The following ZNF343 variants were observed in gnomAD, a reference collection of about 807,000 sequenced individuals.
The protein encoded by ZNF343 is zinc finger protein 343.
ZNF343 carries 11 observed loss-of-function variants against 13.8 expected under a neutral mutation model. The observed-to-expected ratio is 0.80, with a 90% confidence interval of 0.50 to 1.32. ZNF343 has a LOEUF of 1.32. Ranked by LOEUF, ZNF343 falls within the 40% of genes most tolerant of loss-of-function variation. The pLI, the probability that ZNF343 is intolerant of heterozygous loss-of-function variation, is 0.00. For missense variants in ZNF343, 658 were observed against 714.2 expected (o/e 0.92, Z 0.90); for synonymous variants, 248 against 260.0 (o/e 0.95, Z 0.44).
chr20:2,487,489 A>G (rs949626342), intron 5 of ZNF343, among the ~76,000 whole-genome samples: 1 of 152,236 alleles, frequency 6.6e-6, no homozygotes, highest in Non-Finnish European at 1.5e-5. Context: ...TTCACTTAAT[A>G]TATCCAAGAA....
Position 2,501,173 on chromosome 20 carries a change from G to A in ZNF343, c.-236-431C>T, listed in dbSNP as rs1330962026. On this transcript the variant is annotated intron_variant, in intron 1 of 5. Coordinates refer to ENST00000278772, the MANE Select transcript of ZNF343 (RefSeq NM_024325.6). Reference sequence around the variant, plus strand: ...ACCAAGAGATTATATCCCGCGCCTGGCTCAGTGGGTCCTACGCCCATGGAC... The same window carrying A: ...ACCAAGAGATTATATCCCGCGCCTGACTCAGTGGGTCCTACGCCCATGGAC... Among the ~76,000 whole-genome samples the A allele has an allele frequency of 2.6e-5, 4 of 152,170 alleles. No individual in the cohort carries two copies. In the East Asian group the frequency reaches 7.7e-4, roughly 29 times the overall value.
At chr20:2,508,924 AACT>A (rs1159959811), upstream of ZNF343, 80 of 152,412 alleles carry the variant, frequency 5.2e-4, no homozygotes, top group African/African-American at 1.9e-3. This position sits in a 1 kb window ranked among gnomAD's most constrained non-coding sequence, Gnocchi z 4.5. Context: ...CCGACGCCAG[AACT>A]ACAATTCCCA....
rs980509022 is a variant in ZNF343 at position 2,493,985 on chromosome 20, G to A, written c.-90C>T. The A allele has an allele frequency of 4.5e-6, 4 of 898,188 alleles. No individual in the cohort carries two copies. The highest frequency in any genetic ancestry group is 4.4e-4 in the Middle Eastern group (2 of 4,532). The allele number at this position is 898,188 out of a possible 1,614,324, so 55.6% of individuals were successfully genotyped here. A position where few individuals can be genotyped will look rare whatever the true frequency, so the allele number is the denominator to read the frequency against. On this transcript the variant is annotated 5_prime_UTR_variant, in exon 3 of 6. Transcript: ENST00000278772. ...ATCTCAAGATGGAGTTCTGCTGCCT[G>A]TGGTGACTTCTTCCAACCTTAATTA...
chr20:2,523,631 G>A (rs540316046), intron 1 of ZNF343, among the ~76,000 whole-genome samples: 1 of 149,348 alleles, frequency 6.7e-6, no homozygotes, highest in African/African-American at 2.5e-5. Flanking sequence ...ACTTGAAGTT[G>A]CAAGGTCACC....
rs1323773778 is a variant in ZNF343 at position 2,508,077 on chromosome 20, A to T, written c.-237+804T>A. Among the ~76,000 whole-genome samples, 1 of 151,998 alleles carries T rather than the reference A, an allele frequency of 6.6e-6. No individual in the cohort carries two copies. The highest frequency in any genetic ancestry group is 2.4e-5 in the African/African-American group (1 of 41,368). ...GCACAGGGGGCACCTCCCACATGAC[A>T]CACCTTGAGACAACAGGTCCCAGAG... On this transcript the variant is annotated intron_variant, in intron 1 of 5. Coordinates refer to ENST00000278772, the MANE Select transcript of ZNF343 (RefSeq NM_024325.6). The surrounding 1 kb of genome is among the most constrained non-coding windows in gnomAD (Gnocchi z 4.5).
chr20:2,488,591 G>C (rs1188086228), intron 5 of ZNF343, among the ~76,000 whole-genome samples: 3 of 152,014 alleles, frequency 2.0e-5, no homozygotes, highest in Non-Finnish European at 4.4e-5. Flanking sequence ...GATAAGGATA[G>C]TACCCTGTTA....
rs746566417 is a variant in ZNF343, at chr20:2,493,549, G to A, written c.147C>T (p.Pro49=). 66 of 1,613,442 alleles carry A rather than the reference G, an allele frequency of 4.1e-5. No homozygotes were observed. The highest frequency in any genetic ancestry group is 5.0e-5 in the Non-Finnish European group (59 of 1,179,900). ...KGLPSNDTDC[P]QKKEGKAQIV... ...TTTGGGCCTTTCCCTCCTTTTTCTG[G>A]GGGCAGTCAGTATCATTAGAAGGCA... The change falls in exon 4 of 6, where the codon CCC becomes CCT. Residue 49 remains proline (P), a synonymous_variant. Coordinates refer to ENST00000278772, the MANE Select transcript of ZNF343 (RefSeq NM_024325.6).
At position 2,492,702 on chromosome 20, in the gene ZNF343, A is replaced by G. The variant is rs144758107; in HGVS notation, c.301T>C (p.Leu101=). The change falls in exon 5 of 6, where the codon TTG becomes CTG. Residue 101 remains leucine (L), a synonymous_variant. Transcript: ENST00000278772. ...AAAGGAAAGAACACAGCCTTACCCA[A>G]TGAGAGAAGATTCCTGTAATTCTCC... ...MLENYRNLLS[L]AEPKPEIYTC... 6.2e-7 allele frequency: 1 copy of G among 1,611,006 alleles called. No individual in the cohort carries two copies.
chr20:2,493,736 T>C (rs1165932939), intron 3 of ZNF343, 42 bp downstream of exon 3: 1 of 1,539,650 alleles, frequency 6.5e-7, no homozygotes, highest in African/African-American at 1.4e-5. Context: ...CCTGGAGCCT[T>C]GGCTTCCTCT....
intron 5 of ZNF343, 113 bp downstream of exon 5, chr20:2,492,586 G>T: frequency 1.5e-6 from 2 of 1,336,926 alleles, no homozygotes; most frequent in Non-Finnish European, 2.1e-6. Context: ...CAGGGATTAC[G>T]ATTTTGTTTA....
Position 2,484,274 on chromosome 20 carries a change from G to T in ZNF343, c.687C>A (p.Gly229=). ...ATCTCAAGGTTTCTAATTCCTTCAAGCCTTTGTCTAGCTGCACAGGGTTTG... is the reference window on the plus strand; with the variant it reads ...ATCTCAAGGTTTCTAATTCCTTCAATCCTTTGTCTAGCTGCACAGGGTTTG... ...QRPNPVQLDK[G]LKELETLRFG... Residue 229 remains glycine (G), a synonymous_variant, in exon 6 of 6, where the codon GGC becomes GGA. Coordinates refer to ENST00000278772, the MANE Select transcript of ZNF343 (RefSeq NM_024325.6). 1 of 1,614,204 alleles carries T rather than the reference G, an allele frequency of 6.2e-7. No homozygotes were observed. The highest frequency in any genetic ancestry group is 8.5e-7 in the Non-Finnish European group (1 of 1,180,038).
chr20:2,492,809 C>T lies in ZNF343; in HGVS notation c.194G>A (p.Arg65Lys). Residue 65 changes from arginine (R) to lysine (K), a missense_variant, in exon 5 of 6, where the codon AGG (arginine) becomes AAG (lysine). Physicochemically the swap from Arg to Lys is conservative, Grantham distance 26. Transcript: ENST00000278772. ...KAQIVVPVTFRDVTVIFTEAE... is the reference protein window; with the variant it reads ...KAQIVVPVTFKDVTVIFTEAE... ...TTCTGTGAAGATCACAGTCACATCC[C>T]TGAATGTAACTGGTACCTACAAACA... 1.9e-6 allele frequency: 3 copies of T among 1,613,430 alleles called. No individual in the cohort carries two copies. Among genetic ancestry groups the T allele is most frequent in the Non-Finnish European group, 2.5e-6 (3 of 1,179,966 alleles).
At chr20:2,495,813 T>C (rs8183074) in intron 2 of ZNF343, among the ~76,000 whole-genome samples, 1 of 152,034 alleles carries the variant, frequency 6.6e-6, no homozygotes, top group Non-Finnish European at 1.5e-5. Context: ...CCCAAGTACC[T>C]GGGATTACAG....
In ZNF343 at chr20:2,482,752, C is replaced by T. The variant is rs2085186660; in HGVS notation, c.*409G>A. The T allele has an allele frequency of 5.3e-6, 1 of 188,174 alleles. No homozygotes were observed. Among genetic ancestry groups the T allele is most frequent in the Non-Finnish European group, 1.1e-5 (1 of 89,286 alleles). The allele number at this position is 188,174 out of a possible 1,614,324, so 11.7% of individuals were successfully genotyped here. ...GCCCATACATCCTACAAACAAAGACCTCCTTCCTGAGGGCCACTCTGTGCC... is the reference window on the plus strand; with the variant it reads ...GCCCATACATCCTACAAACAAAGACTTCCTTCCTGAGGGCCACTCTGTGCC... On this transcript the variant is annotated 3_prime_UTR_variant, in exon 6 of 6. Coordinates refer to ENST00000278772, the MANE Select transcript of ZNF343 (RefSeq NM_024325.6).
chr20:2,491,110 G>A (rs781318247), intron 5 of ZNF343, among the ~76,000 whole-genome samples: 1 of 152,158 alleles, frequency 6.6e-6, no homozygotes, highest in Non-Finnish European at 1.5e-5. Flanking sequence ...CCAAAAATGT[G>A]ATTCTTCTCT....
chr20:2,494,009 T>C lies in ZNF343; in HGVS notation c.-114A>G. On this transcript the variant is annotated 5_prime_UTR_variant, in exon 3 of 6. In the 5' UTR this introduces an upstream ATG that the reference lacks. Transcript: ENST00000278772. ...TGTGGTGACTTCTTCCAACCTTAAT[T>C]ATAAAAAGCCCAGCTTGTTTCCCTG... The C allele has an allele frequency of 1.3e-6, 1 of 761,758 alleles. No individual in the cohort carries two copies. Among genetic ancestry groups the C allele is most frequent in the Admixed American group, 2.1e-5 (1 of 47,004 alleles). 47.2% of individuals were successfully genotyped at this position (761,758 alleles called of 1,614,324 possible).
At chr20:2,486,115 T>G (rs555631261) in intron 5 of ZNF343, among the ~76,000 whole-genome samples, 1 of 152,218 alleles carries the variant, frequency 6.6e-6, no homozygotes, top group African/African-American at 2.4e-5. Flanking sequence ...TCATTCAGAC[T>G]GCAGTCTGAA....
rs1438768215 is a variant in ZNF343 at position 2,484,622 on chromosome 20, G to C, written c.339C>G (p.Ser113=). 3.7e-6 allele frequency: 6 copies of C among 1,608,036 alleles called. No individual in the cohort carries two copies. The African/African-American group carries it at 6.7e-5, about 18-fold the overall frequency. Residue 113 remains serine, a synonymous_variant, in exon 6 of 6, where the codon TCC becomes TCG. Transcript: ENST00000278772. ...EPKPEIYTCS[S]CLLAFSCQQF... is the part of the protein sequence containing the mutation. ...GCTGACAGGAGAAGGCCAGAAGGCA[G>C]GAGGAACAAGTGTAGATTTCTGGCT...
chr20:2,497,728 G>A (rs1282435132), intron 2 of ZNF343, among the ~76,000 whole-genome samples: 1 of 152,126 alleles, frequency 6.6e-6, no homozygotes, highest in African/African-American at 2.4e-5. Context: ...ATAGCTGAAG[G>A]GAGAGATCAC....
Sources: allele counts gnomAD v4.1 joint callset (sites outside exome capture counted in the v4.1 genomes callset), GRCh38; gene constraint gnomAD v4.1.1; non-coding constraint Gnocchi (gnomAD v3.1); transcripts MANE v1.5; gene names NCBI Gene and HGNC (gene_info 2026-07-23, HGNC 2026-07-21).